Variants in KSR2 observed in about 807,000 individuals in gnomAD.
KSR2 encodes the protein kinase suppressor of ras 2.
KSR2 carries 25 observed loss-of-function variants against 107.8 expected under a neutral mutation model. The ratio of observed to expected loss-of-function variants is 0.23; its 90% CI spans 0.17 to 0.32. The LOEUF (loss-of-function observed/expected upper bound fraction) is 0.32. Among genes scored for constraint, KSR2 ranks in the 10% least tolerant of loss-of-function variants. The pLI is 1.00. For missense variants in KSR2, 887 were observed against 1,268.9 expected (o/e 0.70, Z 4.57); for synonymous variants, 480 against 507.0 (o/e 0.95, Z 0.71).
chr12:117,900,983 C>T (rs1894664067), intron 1 of KSR2, among the ~76,000 whole-genome samples: 1 of 152,182 alleles, frequency 6.6e-6, no homozygotes, highest in African/African-American at 2.4e-5. Flanking sequence ...TTTCATCTTT[C>T]CCAGCAGAGA....
In KSR2 at chr12:117,582,277, G is replaced by A. The variant is rs766331765; in HGVS notation, c.1241+13C>T. On this transcript the variant is annotated intron_variant, in intron 6 of 19. Coordinates refer to ENST00000339824, the MANE Select transcript of KSR2 (RefSeq NM_173598.6). ...GAGAAGTAGGCACCAGTGCACACAG[G>A]AATCCAGCCTACCTGTGCTTGATGG... 6.2e-7 allele frequency: 1 copy of A among 1,612,252 alleles called. No homozygotes were observed. The highest frequency in any genetic ancestry group is 8.5e-7 in the Non-Finnish European group (1 of 1,178,428).
chr12:117,960,781 G>C (rs1410730963), intron 1 of KSR2, among the ~76,000 whole-genome samples: 1 of 150,924 alleles, frequency 6.6e-6, no homozygotes, highest in South Asian at 2.1e-4. Flanking sequence ...TAGCTATTCA[G>C]CATATTTTCT....
chr12:117,870,968 G>A (rs1050677194), intron 1 of KSR2, among the ~76,000 whole-genome samples: 3 of 152,200 alleles, frequency 2.0e-5, no homozygotes, highest in South Asian at 2.1e-4. Context: ...GGCAGAGATC[G>A]AGCAGTGCTT....
chr12:117,901,331 C>T (rs139210623), intron 1 of KSR2, among the ~76,000 whole-genome samples: 1,698 of 147,264 alleles, frequency 0.012, 31 homozygotes, highest in African/African-American at 0.041. Flanking sequence ...GAGACAGAAT[C>T]TCACTCTGTT....
At chr12:117,929,007 T>C (rs1459405115) in intron 1 of KSR2, among the ~76,000 whole-genome samples, 2 of 152,224 alleles carry the variant, frequency 1.3e-5, no homozygotes, top group Non-Finnish European at 2.9e-5. Context: ...CAGTCTCGCA[T>C]GTGTCCTTTG....
At chr12:117,515,506 G>C (rs1019783870) in intron 14 of KSR2, among the ~76,000 whole-genome samples, 2 of 152,196 alleles carry the variant, frequency 1.3e-5, no homozygotes, top group African/African-American at 4.8e-5. Flanking sequence ...GAGTCAAATA[G>C]CTGAGATCCT....
intron 6 of KSR2, among the ~76,000 whole-genome samples, chr12:117,582,048 C>G (rs1054598173): frequency 1.3e-5 from 2 of 152,182 alleles, no homozygotes; most frequent in Admixed American, 6.5e-5. Context: ...CAGTCTGACT[C>G]CAAAGCCCTG....
chr12:117,568,750 T>A (rs1878694691), intron 7 of KSR2, among the ~76,000 whole-genome samples: 2 of 152,194 alleles, frequency 1.3e-5, no homozygotes, highest in Admixed American at 6.5e-5. Context: ...TTATCACATC[T>A]AATCCCACCT....
intron 1 of KSR2, among the ~76,000 whole-genome samples, chr12:117,891,684 C>T (rs560425073): frequency 5.9e-5 from 9 of 151,972 alleles, no homozygotes; most frequent in Admixed American, 2.0e-4. Context: ...ACCAACCAAA[C>T]AAACAAACAA....
intron 5 of KSR2, among the ~76,000 whole-genome samples, chr12:117,618,475 C>T (rs1333918429): frequency 6.6e-6 from 1 of 152,070 alleles, no homozygotes; most frequent in Non-Finnish European, 1.5e-5. Context: ...GGGCTCTTTC[C>T]TCTGTGCCTC....
chr12:117,628,386 T>C lies in KSR2; in HGVS notation c.1171+39088A>G, dbSNP rs1195245331. On this transcript the variant is annotated intron_variant, in intron 5 of 19. Transcript: ENST00000339824. ...GTGACCTACAGATGGGGTTTTGGTG[T>C]AGATGACCTTTTTGTTGATGTTTAT... is the stretch of plus-strand genomic sequence containing the variant. Among the ~76,000 whole-genome samples the C allele has an allele frequency of 2.6e-5, 4 of 152,228 alleles. No individual in the cohort carries two copies. The East Asian group carries it at 7.7e-4, about 29-fold the overall frequency.
intron 4 of KSR2, among the ~76,000 whole-genome samples, chr12:117,734,731 C>T (rs11486305): frequency 5.3e-5 from 8 of 150,254 alleles, no homozygotes; most frequent in Admixed American, 2.0e-4. Flanking sequence ...GATGGATGGA[C>T]GCATGCATGC....
chr12:117,935,384 C>T (rs1011679125), intron 1 of KSR2, among the ~76,000 whole-genome samples: 3 of 152,188 alleles, frequency 2.0e-5, no homozygotes, highest in Admixed American at 1.3e-4. Context: ...GCTGCTAAAA[C>T]TGAAGTCAGA....
chr12:117,513,188 G>C (rs758213457), intron 14 of KSR2, among the ~76,000 whole-genome samples: 1 of 152,000 alleles, frequency 6.6e-6, no homozygotes, highest in African/African-American at 2.4e-5. Flanking sequence ...TACATCTATT[G>C]ATTTTCCTCT....
intron 7 of KSR2, among the ~76,000 whole-genome samples, chr12:117,573,524 C>G (rs199939696): frequency 9.2e-6 from 1 of 108,340 alleles, no homozygotes; most frequent in Admixed American, 1.1e-4. Flanking sequence ...CACATGTTAT[C>G]TTTTTTTTTT....
intron 5 of KSR2, 24 bp downstream of exon 5, chr12:117,667,450 G>C: frequency 6.2e-7 from 1 of 1,600,920 alleles, no homozygotes; most frequent in Non-Finnish European, 8.5e-7. Context: ...AGCGTTCCCA[G>C]TGCAGCCCGG....
intron 1 of KSR2, among the ~76,000 whole-genome samples, chr12:117,944,815 G>A (rs898701045): frequency 1.3e-5 from 2 of 151,924 alleles, no homozygotes; most frequent in African/African-American, 2.4e-5. Flanking sequence ...GTATGATCTC[G>A]CCATCGCACT....
intron 17 of KSR2, among the ~76,000 whole-genome samples, chr12:117,473,222 T>C (rs748114601): frequency 2.6e-5 from 4 of 152,180 alleles, no homozygotes; most frequent in Non-Finnish European, 4.4e-5. Flanking sequence ...GGACACTGCA[T>C]GGTGTGGCAC....
chr12:117,843,201 A>G (rs1323610377), intron 3 of KSR2, among the ~76,000 whole-genome samples: 1 of 152,126 alleles, frequency 6.6e-6, no homozygotes, highest in Non-Finnish European at 1.5e-5. Context: ...TTAGACAGAA[A>G]GGGAACACCG....
Sources: allele counts gnomAD v4.1 joint callset (sites outside exome capture counted in the v4.1 genomes callset), GRCh38; gene constraint gnomAD v4.1.1; transcripts MANE v1.5; gene names NCBI Gene and HGNC (gene_info 2026-07-23, HGNC 2026-07-21).